The following SPOCK1 variants were observed in gnomAD, a reference collection of about 807,000 sequenced individuals.
The protein encoded by SPOCK1 is testican-1.
In SPOCK1, 23 loss-of-function variants were observed where a neutral mutation model predicts 55.3. The ratio of observed to expected loss-of-function variants is 0.42; its 90% CI spans 0.30 to 0.59. The LOEUF is 0.59. Ranked by LOEUF, SPOCK1 falls within the 20% of genes least tolerant of loss-of-function variation. The pLI is 0.22. For missense variants in SPOCK1, 499 were observed against 552.5 expected (o/e 0.90, Z 0.97); for synonymous variants, 226 against 221.0 (o/e 1.02, Z -0.20).
intron 2 of SPOCK1, among the ~76,000 whole-genome samples, chr5:137,344,922 C>T (rs1321927175): frequency 1.3e-5 from 2 of 152,176 alleles, no homozygotes; most frequent in Admixed American, 1.3e-4. Context: ...AAGCTACCAC[C>T]AGGCAGCAGT....
intron 5 of SPOCK1, among the ~76,000 whole-genome samples, chr5:137,112,119 G>A (rs1753487240): frequency 6.6e-6 from 1 of 152,164 alleles, no homozygotes; most frequent in Non-Finnish European, 1.5e-5. Context: ...TGAGCTATAT[G>A]ACTTGCCTCT....
intron 2 of SPOCK1, among the ~76,000 whole-genome samples, chr5:137,474,253 A>T (rs4579255): frequency 1 from 151,615 of 152,260 alleles, 75,489 homozygotes; most frequent in Middle Eastern, 1. Flanking sequence ...AAAAAAGAAA[A>T]TTTGAACTTT....
chr5:137,244,202 T>C (rs1756351166), intron 3 of SPOCK1, among the ~76,000 whole-genome samples: 1 of 152,144 alleles, frequency 6.6e-6, no homozygotes, highest in Non-Finnish European at 1.5e-5. Context: ...TCAATAGAGG[T>C]ACTCAAAAAC....
chr5:137,159,154 TG>T (rs1430438271), intron 3 of SPOCK1, among the ~76,000 whole-genome samples: 1 of 152,122 alleles, frequency 6.6e-6, no homozygotes, highest in African/African-American at 2.4e-5. Flanking sequence ...TTCCTTTCTT[TG>T]ATGGAGATAC....
At chr5:137,482,832 T>C (rs1419651882) in intron 2 of SPOCK1, among the ~76,000 whole-genome samples, 2 of 152,204 alleles carry the variant, frequency 1.3e-5, no homozygotes, top group East Asian at 3.9e-4. Flanking sequence ...AAAAGCAATA[T>C]TTTTATGCTG....
At chr5:137,012,863 G>A (rs1751377724) in intron 6 of SPOCK1, among the ~76,000 whole-genome samples, 1 of 152,172 alleles carries the variant, frequency 6.6e-6, no homozygotes, top group Non-Finnish European at 1.5e-5. Context: ...TAATATTAGG[G>A]GTTAAGTTGT....
rs373166609 is a variant in SPOCK1, at chr5:136,981,325, C to T, written c.992-1856G>A. Among the ~76,000 whole-genome samples the T allele has an allele frequency of 5.3e-5, 8 of 152,172 alleles. No homozygotes were observed. In the East Asian group the frequency reaches 7.7e-4, roughly 15 times the overall value. ...CAAAGGTTTGTCTATTTCATTTGTT[C>T]AGAAAACTATCTCTGATATGGTATT... On this transcript the variant is annotated intron_variant, in intron 9 of 10. Coordinates refer to ENST00000394945, the MANE Select transcript of SPOCK1 (RefSeq NM_004598.4).
In SPOCK1 at chr5:137,170,537, T is replaced by C. The variant is rs758942928; in HGVS notation, c.233-29843A>G. Among the ~76,000 whole-genome samples the C allele has an allele frequency of 2.8e-4, 43 of 151,912 alleles. 1 individual carries two copies. Among genetic ancestry groups the C allele is most frequent in the Non-Finnish European group, 4.6e-4 (31 of 67,986 alleles). On this transcript the variant is annotated intron_variant, in intron 3 of 10. Coordinates refer to ENST00000394945, the MANE Select transcript of SPOCK1 (RefSeq NM_004598.4). ...ACGTCATGAAGTAGAGCTACCATGA[T>C]CACATCAGTGCTCTTATAAGAATAG... is the stretch of plus-strand genomic sequence containing the variant.
chr5:137,122,195 T>A (rs1424714698), intron 4 of SPOCK1, among the ~76,000 whole-genome samples: 1 of 151,618 alleles, frequency 6.6e-6, no homozygotes, highest in Non-Finnish European at 1.5e-5. Context: ...AAAGTTCAGT[T>A]GTTGAACAAG....
At chr5:137,248,329 T>C (rs1444957004) in intron 3 of SPOCK1, among the ~76,000 whole-genome samples, 1 of 152,224 alleles carries the variant, frequency 6.6e-6, no homozygotes, top group Non-Finnish European at 1.5e-5. Flanking sequence ...ATTCATTCAT[T>C]GATCTGTTCA....
chr5:137,013,184 T>C (rs991274397), intron 6 of SPOCK1, among the ~76,000 whole-genome samples: 4 of 152,212 alleles, frequency 2.6e-5, no homozygotes, highest in Non-Finnish European at 4.4e-5. Flanking sequence ...TTTCTACAAT[T>C]AACATTGTAT....
intron 2 of SPOCK1, among the ~76,000 whole-genome samples, chr5:137,319,698 C>A (rs566252763): frequency 6.6e-6 from 1 of 152,234 alleles, no homozygotes; most frequent in East Asian, 1.9e-4. Context: ...GTAATCCCAG[C>A]ACTTTGGGAG....
rs187746971 is a variant in SPOCK1 at position 137,164,999 on chromosome 5, C to G, written c.233-24305G>C. On this transcript the variant is annotated intron_variant, in intron 3 of 10. Coordinates refer to ENST00000394945, the MANE Select transcript of SPOCK1 (RefSeq NM_004598.4). Reference sequence around the variant, plus strand: ...CCCAGGTCCTGGGGGAACTCGCCACCCTAAAGGGAAGGACACAGACCTGGC... The same window carrying G: ...CCCAGGTCCTGGGGGAACTCGCCACGCTAAAGGGAAGGACACAGACCTGGC... Among the ~76,000 whole-genome samples the G allele has an allele frequency of 3.5e-3, 528 of 152,320 alleles. 1 individual carries two copies. The highest frequency in any genetic ancestry group is 5.8e-3 in the Admixed American group (88 of 15,302).
chr5:137,266,566 A>T (rs1756856228), intron 3 of SPOCK1, among the ~76,000 whole-genome samples: 1 of 152,162 alleles, frequency 6.6e-6, no homozygotes, highest in Admixed American at 6.5e-5. Context: ...GAAGTTATTT[A>T]ACAAATAAAA....
In SPOCK1 at chr5:137,443,186, C is replaced by A. The variant is rs141758626; in HGVS notation, c.186+55187G>T. On this transcript the variant is annotated intron_variant, in intron 2 of 10. Coordinates refer to ENST00000394945, the MANE Select transcript of SPOCK1 (RefSeq NM_004598.4). ...TAAACTCGGAGCCCCTAAGTCATGG[C>A]TAATTCCACCCACCTGCAAGACTGT... is the stretch of plus-strand genomic sequence containing the variant. Among the ~76,000 whole-genome samples the A allele has an allele frequency of 4.1e-3, 622 of 152,224 alleles. 2 individuals carry two copies. The highest frequency in any genetic ancestry group is 6.3e-3 in the Non-Finnish European group (431 of 68,020).
At chr5:137,469,597 A>T (rs1006290828) in intron 2 of SPOCK1, among the ~76,000 whole-genome samples, 1 of 152,222 alleles carries the variant, frequency 6.6e-6, no homozygotes, top group Admixed American at 6.5e-5. Context: ...TTTAAAAACT[A>T]ATGTGTACTG....
chr5:136,993,510 C>T (rs968335179), intron 6 of SPOCK1, among the ~76,000 whole-genome samples: 24 of 152,156 alleles, frequency 1.6e-4, no homozygotes, highest in African/African-American at 5.3e-4. Flanking sequence ...CCCAGCAATG[C>T]ATTTGGGGTC....
intron 2 of SPOCK1, among the ~76,000 whole-genome samples, chr5:137,379,502 C>T (rs1264223054): frequency 6.6e-6 from 1 of 151,746 alleles, no homozygotes; most frequent in Non-Finnish European, 1.5e-5. Context: ...AGATACTGCT[C>T]AAGTAACAAG....
intron 9 of SPOCK1, 106 bp from the exon 10 acceptor site, chr5:136,979,575 C>T (rs1750686632): frequency 1.4e-6 from 2 of 1,410,200 alleles, no homozygotes; most frequent in African/African-American, 2.8e-5. Flanking sequence ...ATATCTGCTG[C>T]AGGGTCAGCA....
Sources: gnomAD v4.1 joint callset for allele counts (sites outside exome capture counted in the v4.1 genomes callset) on GRCh38, gnomAD v4.1.1 for gene constraint, MANE v1.5 for transcripts, NCBI Gene and HGNC (gene_info 2026-07-23, HGNC 2026-07-21) for gene names.